IL17RC: variants seen among roughly 807,000 people sequenced by gnomAD.
IL17RC encodes the protein interleukin 17 receptor C, also known as interleukin-17 receptor C.
Under a neutral mutation model 86.7 loss-of-function variants are expected in IL17RC, and 53 were observed. The observed-to-expected ratio is 0.61, with a 90% CI of 0.49 to 0.77. The LOEUF is 0.77. IL17RC is among the 30% of genes least tolerant of loss of function. IL17RC has a pLI of 0.00. For missense variants in IL17RC, 957 were observed against 940.0 expected (o/e 1.02, Z -0.24); for synonymous variants, 439 against 413.1 (o/e 1.06, Z -0.76).
chr3:9,932,486 G>A (rs1024294236), intron 16 of IL17RC, 122 bp from the exon 17 acceptor site: 27 of 909,068 alleles, frequency 3.0e-5, no homozygotes, highest in Non-Finnish European at 4.4e-5. Flanking sequence ...TCGGCCTCCC[G>A]AAGTGCTGGG....
chr3:9,931,470 C>CACACATATATATATATATATATATAT (rs750351615), intron 16 of IL17RC, among the ~76,000 whole-genome samples: 4 of 43,734 alleles, frequency 9.1e-5, no homozygotes, highest in Non-Finnish European at 1.9e-4. Context: ...CACACACACA[C>CACACATATATATATATATATATATAT]ATATATATAT....
chr3:9,932,580 T>C, intron 16 of IL17RC, 28 bp from the exon 17 acceptor site: 1 of 1,601,370 alleles, frequency 6.2e-7, no homozygotes, highest in South Asian at 1.1e-5. Flanking sequence ...AGGGTAAGTT[T>C]CTAACTCTTC....
chr3:9,927,753 C>T (rs970138653), intron 9 of IL17RC, among the ~76,000 whole-genome samples: 1 of 151,994 alleles, frequency 6.6e-6, no homozygotes, highest in South Asian at 2.1e-4. Context: ...CCAGCCTGAT[C>T]AATGTGGTGA....
At position 9,933,256 on chromosome 3, in the gene IL17RC, T is replaced by C; in HGVS notation, c.1826T>C (p.Phe609Ser). ...GPGAHGPHDA[F>S]RASLSCVLPD... Reference sequence around the variant, plus strand: ...GGGGCGCACGGCCCGCACGACGCCTTCCGCGCCTCGCTCAGCTGCGTGCTG... The same window carrying C: ...GGGGCGCACGGCCCGCACGACGCCTCCCGCGCCTCGCTCAGCTGCGTGCTG... The change falls in exon 19 of 19, where the codon TTC becomes TCC. Residue 609 changes from phenylalanine (F) to serine (S), a missense_variant. Phe to Ser is a radical substitution (Grantham distance 155). Transcript: ENST00000403601. 2 of 1,604,300 alleles carry C rather than the reference T, an allele frequency of 1.2e-6. No individual in the cohort carries two copies. The highest frequency in any genetic ancestry group is 4.5e-5 in the East Asian group (2 of 44,466).
In IL17RC at chr3:9,930,166, C is replaced by A; in HGVS notation, c.1278+17C>A. On this transcript the variant is annotated intron_variant, in intron 14 of 18. Coordinates refer to ENST00000403601, the MANE Select transcript of IL17RC (RefSeq NM_153460.4). This position sits in a 1 kb window ranked among gnomAD's most constrained non-coding sequence, Gnocchi z 5.8. ...GCCTCCACGGTTAGGACTGGGCGAC[C>A]CTCCTCCACAGATCTCTCCAAATGC... is the stretch of plus-strand genomic sequence containing the variant. The A allele has an allele frequency of 6.2e-7, 1 of 1,613,502 alleles. No homozygotes were observed. Among genetic ancestry groups the A allele is most frequent in the South Asian group, 1.1e-5 (1 of 91,046 alleles).
intron 12 of IL17RC, chr3:9,929,331 C>CAA (rs35752270): frequency 4.5e-5 from 6 of 131,908 alleles, no homozygotes; most frequent in Admixed American, 1.5e-4. Context: ...AACTCCGTCT[C>CAA]AAAAAAAAAA....
Position 9,918,551 on chromosome 3 carries a change from G to T in IL17RC, c.407G>T (p.Arg136Leu), listed in dbSNP as rs769025981. 1.3e-5 allele frequency: 21 copies of T among 1,614,010 alleles called. No individual in the cohort carries two copies. The African/African-American group carries it at 1.3e-4, about 10-fold the overall frequency. The change falls in exon 5 of 19, where the codon CGC becomes CTC. Residue 136 changes from arginine (R) to leucine (L), a missense_variant. Physicochemically the swap from Arg to Leu is moderately radical, Grantham distance 102. Transcript: ENST00000403601. ...VLSFQAYPTARCVLLEVQVPA... is the reference protein window; with the variant it reads ...VLSFQAYPTALCVLLEVQVPA... ...TCCTTCCAGGCCTACCCTACTGCCC[G>T]CTGCGTCCTGCTGGAGGTGCAAGTG...
Position 9,932,984 on chromosome 3 carries a change from C to T in IL17RC, c.1554C>T (p.Leu518=), listed in dbSNP as rs1467793334. The T allele has an allele frequency of 6.3e-7, 1 of 1,595,748 alleles. No individual in the cohort carries two copies. ...CCAGGGGCCGCGCGGCTCTGCTCCT[C>T]TACTCAGCCGATGACTCGGGTTTCG... ...AAARGRAALL[L]YSADDSGFER... Residue 518 remains leucine (L), a synonymous_variant, in exon 19 of 19, where the codon CTC becomes CTT. Transcript: ENST00000403601.
intron 5 of IL17RC, among the ~76,000 whole-genome samples, chr3:9,920,178 G>C (rs1038280335): frequency 6.6e-6 from 1 of 152,078 alleles, no homozygotes. Flanking sequence ...GGGGAGGGGT[G>C]TGCCATATTG....
rs1269527270 is a variant in IL17RC at position 9,920,939 on chromosome 3, G to A, written c.592G>A (p.Glu198Lys). Residue 198 changes from glutamate to lysine, a missense_variant, in exon 7 of 19, where the codon GAA becomes AAA. Coordinates refer to ENST00000403601, the MANE Select transcript of IL17RC (RefSeq NM_153460.4). ...TQQLPDCRGL[E>K]VWNSIPSCWA... ...TCTCTCCTCAGACTGCAGGGGGCTCGAAGTCTGGAACAGCATCCCGAGCTG... is the reference window on the plus strand; with the variant it reads ...TCTCTCCTCAGACTGCAGGGGGCTCAAAGTCTGGAACAGCATCCCGAGCTG... 14 of 1,605,388 alleles carry A rather than the reference G, an allele frequency of 8.7e-6. No homozygotes were observed. The highest frequency in any genetic ancestry group is 2.2e-5 in the South Asian group (2 of 89,360).
At chr3:9,925,857 TA>T (rs199984971) in intron 9 of IL17RC, among the ~76,000 whole-genome samples, 147 of 143,296 alleles carry the variant, frequency 1.0e-3, no homozygotes, top group African/African-American at 3.8e-3. Flanking sequence ...TTTATTTTCT[TA>T]AATTTTTTTT....
At chr3:9,920,792 G>T in intron 6 of IL17RC, 133 bp from the exon 7 acceptor site, 1 of 799,136 alleles carries the variant, frequency 1.3e-6, no homozygotes, top group South Asian at 1.7e-5. Flanking sequence ...AAGGTTCTTT[G>T]AGCATTGGAT....
chr3:9,930,884 G>A lies in IL17RC; in HGVS notation c.1339-11G>A. Reference sequence around the variant, plus strand: ...TGGTGCCCTGGATTTGGTTCTGTTTGTATCTTACAGCTATGGGACGATGAC... The same window carrying A: ...TGGTGCCCTGGATTTGGTTCTGTTTATATCTTACAGCTATGGGACGATGAC... On this transcript the variant is annotated splice_polypyrimidine_tract_variant and intron_variant, in intron 15 of 18. Transcript: ENST00000403601. The surrounding 1 kb of genome is among the most constrained non-coding windows in gnomAD (Gnocchi z 5.8). The A allele has an allele frequency of 6.2e-7, 1 of 1,613,790 alleles. No individual in the cohort carries two copies. Among genetic ancestry groups the A allele is most frequent in the Non-Finnish European group, 8.5e-7 (1 of 1,179,648 alleles).
In IL17RC at chr3:9,928,512, G is replaced by A. The variant is rs377548767; in HGVS notation, c.1059+26G>A. Reference sequence around the variant, plus strand: ...GTAAGTGAAGCAGAGGGCACCTCCCGTGGTGAGGGGAGAGTGGGGAACCGG... The same window carrying A: ...GTAAGTGAAGCAGAGGGCACCTCCCATGGTGAGGGGAGAGTGGGGAACCGG... On this transcript the variant is annotated intron_variant, in intron 11 of 18. Coordinates refer to ENST00000403601, the MANE Select transcript of IL17RC (RefSeq NM_153460.4). The A allele has an allele frequency of 3.9e-4, 625 of 1,613,188 alleles. 1 individual carries two copies. The highest frequency in any genetic ancestry group is 4.4e-4 in the Non-Finnish European group (520 of 1,179,602).
At chr3:9,921,315 CATG>C (rs1412723015) in intron 7 of IL17RC, among the ~76,000 whole-genome samples, 2 of 152,020 alleles carry the variant, frequency 1.3e-5, no homozygotes, top group African/African-American at 4.8e-5. Flanking sequence ...ATTAACAGGA[CATG>C]GTGGTGTGCA....
rs1164461805 is a variant in IL17RC at position 9,931,468 on chromosome 3, C to CATATATAT, written c.1387+526_1387+527insTATATATA. On this transcript the variant is annotated intron_variant, in intron 16 of 18. Coordinates refer to ENST00000403601, the MANE Select transcript of IL17RC (RefSeq NM_153460.4). ...TTTATATATTTCACACACACACACA[C>CATATATAT]ACATATATATATATATATATATATA... is the stretch of plus-strand genomic sequence containing the variant. Among the ~76,000 whole-genome samples the CATATATAT allele has an allele frequency of 2.9e-3, 51 of 17,888 alleles. No homozygotes were observed. In the South Asian group the frequency reaches 0.04, roughly 14 times the overall value. The allele number at this position is 17,888 out of a possible 152,430, so 11.7% of individuals were successfully genotyped here. A position where few individuals can be genotyped will look rare whatever the true frequency, so the allele number is the denominator to read the frequency against.
At chr3:9,925,318 G>A (rs138711119) in intron 9 of IL17RC, among the ~76,000 whole-genome samples, 4 of 151,686 alleles carry the variant, frequency 2.6e-5, no homozygotes, top group Non-Finnish European at 5.9e-5. Context: ...GGGTTTCACC[G>A]TGTTAGCCAG....
At chr3:9,929,534 G>A (rs946325569) in intron 12 of IL17RC, 2 of 409,146 alleles carry the variant, frequency 4.9e-6, no homozygotes, top group African/African-American at 2.0e-5. Flanking sequence ...GGTGGGACTG[G>A]GGTTGCAATT....
Position 9,917,523 on chromosome 3 carries a change from G to T in IL17RC, c.105+103G>T, listed in dbSNP as rs1319486488. 1.9e-6 allele frequency: 3 copies of T among 1,614,158 alleles called. No homozygotes were observed. The highest frequency in any genetic ancestry group is 2.2e-5 in the East Asian group (1 of 44,882). On this transcript the variant is annotated intron_variant, in intron 1 of 18. Transcript: ENST00000403601. The stretch of plus-strand genomic sequence containing the variant: ...TGTCACTGCTGCCACTGCCAGAACT[G>T]CCCTGTCTGGTCTGTCTGGTGCTGA...
Sources: allele counts gnomAD v4.1 joint callset (sites outside exome capture counted in the v4.1 genomes callset), GRCh38; gene constraint gnomAD v4.1.1; non-coding constraint Gnocchi (gnomAD v3.1); transcripts MANE v1.5; gene names NCBI Gene and HGNC (gene_info 2026-07-23, HGNC 2026-07-21).